Variants in NCAM2 observed in about 807,000 individuals in gnomAD.
NCAM2 encodes the protein neural cell adhesion molecule 2.
NCAM2 carries 30 observed loss-of-function variants against 98.1 expected under a neutral mutation model. The observed-to-expected ratio is 0.31, with a 90% CI of 0.23 to 0.41. NCAM2 has a LOEUF of 0.41. Ranked by LOEUF, NCAM2 falls within the 10% of genes least tolerant of loss-of-function variation. The pLI is 1.00. For synonymous variants in NCAM2, 368 were observed against 342.4 expected (o/e 1.07, Z -0.83); for missense variants, 867 against 1,005.8 (o/e 0.86, Z 1.87).
At chr21:21,533,233 C>T (rs1174617482) in intron 16 of NCAM2, among the ~76,000 whole-genome samples, 1 of 131,094 alleles carries the variant, frequency 7.6e-6, no homozygotes, top group Non-Finnish European at 1.5e-5. Flanking sequence ...CCTATATCCA[C>T]CATTATGATA....
intron 1 of NCAM2, among the ~76,000 whole-genome samples, chr21:21,177,302 A>G (rs2068325944): frequency 6.6e-6 from 1 of 152,076 alleles, no homozygotes; most frequent in Non-Finnish European, 1.5e-5. Flanking sequence ...ACTACTTTCT[A>G]AATATGTATT....
rs190851002 is a variant in NCAM2 at position 21,191,132 on chromosome 21, A to G, written c.56-89446A>G. Among the ~76,000 whole-genome samples the G allele has an allele frequency of 0.01, 1,563 of 152,246 alleles. 67 individuals carry two copies. In the East Asian group the frequency reaches 0.16, roughly 15 times the overall value. On this transcript the variant is annotated intron_variant, in intron 1 of 17. Transcript: ENST00000400546. Reference sequence around the variant, plus strand: ...CAGGAGGTCCCTTTAGCAATGAATGATAGTTTATAGAGAGTCAACCACTTT... The same window carrying G: ...CAGGAGGTCCCTTTAGCAATGAATGGTAGTTTATAGAGAGTCAACCACTTT...
intron 1 of NCAM2, among the ~76,000 whole-genome samples, chr21:21,172,151 C>T (rs950233173): frequency 2.0e-5 from 3 of 150,482 alleles, no homozygotes; most frequent in African/African-American, 7.3e-5. Context: ...GCATTTGTTT[C>T]CAATTGTTTT....
chr21:21,249,503 C>T (rs957620675), intron 1 of NCAM2, among the ~76,000 whole-genome samples: 237 of 152,252 alleles, frequency 1.6e-3, no homozygotes, highest in Non-Finnish European at 3.2e-4. Context: ...TTATAAACAT[C>T]TTTTCACATT....
chr21:21,192,411 G>A (rs900799044), intron 1 of NCAM2, among the ~76,000 whole-genome samples: 2 of 152,040 alleles, frequency 1.3e-5, no homozygotes, highest in African/African-American at 4.8e-5. Flanking sequence ...AAATAGAGTA[G>A]ATAAATAGAA....
At chr21:21,029,295 A>G (rs895542093) in intron 1 of NCAM2, among the ~76,000 whole-genome samples, 1 of 152,196 alleles carries the variant, frequency 6.6e-6, no homozygotes, top group African/African-American at 2.4e-5. Flanking sequence ...TGACTTAATC[A>G]CAAGCATTTA....
At chr21:21,180,014 C>T (rs1288970648) in intron 1 of NCAM2, among the ~76,000 whole-genome samples, 1 of 152,180 alleles carries the variant, frequency 6.6e-6, no homozygotes, top group Non-Finnish European at 1.5e-5. Context: ...CCTGAAATGC[C>T]TGACTGTTGG....
chr21:21,058,021 A>C (rs756461803), intron 1 of NCAM2, among the ~76,000 whole-genome samples: 11 of 151,986 alleles, frequency 7.2e-5, no homozygotes, highest in Non-Finnish European at 1.5e-4. Flanking sequence ...ATGATTGAAC[A>C]TAATGCTTTG....
chr21:21,244,387 C>G (rs1260618570), intron 1 of NCAM2, among the ~76,000 whole-genome samples: 1 of 151,690 alleles, frequency 6.6e-6, no homozygotes, highest in African/African-American at 2.4e-5. Flanking sequence ...TCTAATAAAC[C>G]CATCATAAAC....
chr21:21,303,434 G>C (rs555856803), intron 5 of NCAM2, among the ~76,000 whole-genome samples: 3 of 151,834 alleles, frequency 2.0e-5, no homozygotes, highest in Non-Finnish European at 4.4e-5. Flanking sequence ...ATTCATTTAT[G>C]TTATCCCATG....
At chr21:21,442,597 TAA>T (rs1202398685) in intron 12 of NCAM2, among the ~76,000 whole-genome samples, 1 of 152,098 alleles carries the variant, frequency 6.6e-6, no homozygotes, top group African/African-American at 2.4e-5. Context: ...GGTACAAATT[TAA>T]AAGTCACTTG....
intron 1 of NCAM2, among the ~76,000 whole-genome samples, chr21:21,100,512 G>A (rs889395446): frequency 1.3e-5 from 2 of 151,880 alleles, no homozygotes; most frequent in African/African-American, 4.8e-5. Flanking sequence ...AAAGGAGCAT[G>A]ACATTGTAAA....
intron 1 of NCAM2, among the ~76,000 whole-genome samples, chr21:21,023,675 A>G (rs955293354): frequency 2.2e-4 from 34 of 152,170 alleles, no homozygotes; most frequent in African/African-American, 8.2e-4. Flanking sequence ...TAAATTAGCC[A>G]TGGAAACAGC....
intron 14 of NCAM2, among the ~76,000 whole-genome samples, chr21:21,473,108 A>C (rs1984666885): frequency 6.6e-6 from 1 of 151,480 alleles, no homozygotes; most frequent in Non-Finnish European, 1.5e-5. Context: ...TCATGCTAAC[A>C]ATGATGAGTA....
chr21:21,001,876 A>G (rs963020388), intron 1 of NCAM2, among the ~76,000 whole-genome samples: 12 of 152,296 alleles, frequency 7.9e-5, no homozygotes, highest in South Asian at 2.1e-4. Context: ...GTGAAGTGCT[A>G]GTAAGTCATT....
intron 4 of NCAM2, chr21:21,290,204 A>G (rs2073242410): frequency 6.6e-6 from 1 of 151,974 alleles, no homozygotes; most frequent in South Asian, 2.1e-4. Flanking sequence ...CACATTAAAT[A>G]TAATCAGTAA....
intron 11 of NCAM2, among the ~76,000 whole-genome samples, chr21:21,423,238 A>G (rs555232115): frequency 1.3e-5 from 2 of 152,120 alleles, no homozygotes; most frequent in Non-Finnish European, 2.9e-5. Context: ...ATCAGGTAGT[A>G]TGTCCAGCCC....
chr21:21,231,882 A>G (rs933586582), intron 1 of NCAM2, among the ~76,000 whole-genome samples: 1 of 151,538 alleles, frequency 6.6e-6, no homozygotes, highest in Non-Finnish European at 1.5e-5. Context: ...ATTATTTTAC[A>G]TTCATTTTGT....
chr21:21,005,106 G>C (rs993582674), intron 1 of NCAM2, among the ~76,000 whole-genome samples: 12 of 152,300 alleles, frequency 7.9e-5, no homozygotes, highest in African/African-American at 2.9e-4. Context: ...GGAAATAGTG[G>C]TGGAAGTGGA....
Sources: allele counts gnomAD v4.1 joint callset (sites outside exome capture counted in the v4.1 genomes callset), GRCh38; gene constraint gnomAD v4.1.1; transcripts MANE v1.5; gene names NCBI Gene and HGNC (gene_info 2026-07-23, HGNC 2026-07-21).